The following PCNX2 variants were observed in gnomAD, a reference collection of about 807,000 sequenced individuals.
The protein encoded by PCNX2 is pecanex-like protein 2.
PCNX2 carries 168 observed loss-of-function variants against 223.8 expected under a neutral mutation model. That is an observed-to-expected ratio of 0.75 (90% CI 0.66 to 0.85). The LOEUF (loss-of-function observed/expected upper bound fraction) is 0.85, where lower values mean the gene tolerates loss of function less well. Among genes scored for constraint, PCNX2 ranks in the 40% least tolerant of loss-of-function variants. PCNX2 has a pLI of 0.00. For missense variants in PCNX2, 2,507 were observed against 2,675.5 expected, an observed-to-expected ratio of 0.94 and a Z score of 1.39; for synonymous variants, 1,006 against 1,052.6, an observed-to-expected ratio of 0.96 and a Z score of 0.86.
rs1660583811 is a variant in PCNX2 at position 233,270,464 on chromosome 1, A to G, written c.154-7301T>C. ...ATGTGTACAGAATGCATCCTGACAT[A>G]CAGGAACCTGCCCCCGACAGGTTAC... On this transcript the variant is annotated intron_variant, in intron 1 of 33. Coordinates refer to ENST00000258229, the MANE Select transcript of PCNX2 (RefSeq NM_014801.4). Among the ~76,000 whole-genome samples the G allele has an allele frequency of 2.0e-5, 3 of 152,148 alleles. No homozygotes were observed. The South Asian group carries it at 6.2e-4, about 32-fold the overall frequency.
chr1:233,127,996 T>C (rs1676200640), intron 21 of PCNX2, among the ~76,000 whole-genome samples: 1 of 152,248 alleles, frequency 6.6e-6, no homozygotes, highest in African/African-American at 2.4e-5. Context: ...AGACTTTCTA[T>C]CTGTACTCAC....
intron 21 of PCNX2, among the ~76,000 whole-genome samples, chr1:233,134,072 TA>T (rs1676665817): frequency 6.6e-6 from 1 of 152,078 alleles, no homozygotes; most frequent in South Asian, 2.1e-4. Flanking sequence ...TTTAAAAATT[TA>T]AAATTTAGAA....
chr1:233,321,013 CTTTTTTTTTTTTT>C, the PCNX2 span, among the ~76,000 whole-genome samples: 5 of 70,358 alleles, frequency 7.1e-5, no homozygotes, highest in Admixed American at 8.5e-4. Flanking sequence ...AAAATGTCTT[CTTTTTTTTTTTTT>C]TTTTTTTTTT....
chr1:233,287,671 C>T (rs1365252677), intron 1 of PCNX2, among the ~76,000 whole-genome samples: 8 of 152,150 alleles, frequency 5.3e-5, no homozygotes. Context: ...TATTTCTTCA[C>T]AGCAGTATGA....
intron 17 of PCNX2, among the ~76,000 whole-genome samples, chr1:233,171,018 G>T (rs528135513): frequency 6.6e-6 from 1 of 152,260 alleles, no homozygotes; most frequent in African/African-American, 2.4e-5. Context: ...AAGCATTTCA[G>T]GTTTTGGATT....
At chr1:233,138,543 T>C (rs1332317341) in intron 20 of PCNX2, among the ~76,000 whole-genome samples, 1 of 152,198 alleles carries the variant, frequency 6.6e-6, no homozygotes, top group East Asian at 1.9e-4. Context: ...ACCAGGACTG[T>C]ACCATACTGG....
chr1:233,182,962 C>T (rs1558318366), intron 15 of PCNX2, among the ~76,000 whole-genome samples: 1 of 152,096 alleles, frequency 6.6e-6, no homozygotes, highest in Non-Finnish European at 1.5e-5. Context: ...GAGCACCTGC[C>T]CACAGGAGTT....
chr1:233,087,382 T>C lies in PCNX2; in HGVS notation c.4076+2679A>G, dbSNP rs148100168. ...CTCACTAAAGCTCCAGACGAGAATG[T>C]CTTTTCAGGCGGCCCTTTTAAAGTG... On this transcript the variant is annotated intron_variant, in intron 23 of 33. Transcript: ENST00000258229. 5.6e-3 allele frequency among the ~76,000 whole-genome samples: 855 copies of C among 152,166 alleles called. 4 individuals are homozygous for C. The highest frequency in any genetic ancestry group is 0.02 in the South Asian group (96 of 4,818).
chr1:233,314,897 A>T, the PCNX2 span, among the ~76,000 whole-genome samples: 1 of 152,242 alleles, frequency 6.6e-6, no homozygotes, highest in Non-Finnish European at 1.5e-5. Flanking sequence ...GATTAGGAAG[A>T]CTTCAAATGA....
chr1:233,048,549 C>T (rs986916942), intron 25 of PCNX2, among the ~76,000 whole-genome samples: 8 of 152,160 alleles, frequency 5.3e-5, no homozygotes, highest in Admixed American at 1.3e-4. Context: ...TAAATGCCTA[C>T]CTCTAAAAGT....
At chr1:233,320,834 TC>T in the PCNX2 span, among the ~76,000 whole-genome samples, 1 of 152,100 alleles carries the variant, frequency 6.6e-6, no homozygotes, top group Non-Finnish European at 1.5e-5. Flanking sequence ...TCACTACCAA[TC>T]TTATCAGGAA....
chr1:233,064,173 C>T (rs1357370699), intron 23 of PCNX2, among the ~76,000 whole-genome samples: 1 of 152,096 alleles, frequency 6.6e-6, no homozygotes, highest in Non-Finnish European at 1.5e-5. Context: ...TTGAGAGCTC[C>T]TTTCCAGTCA....
chr1:233,052,274 T>C (rs1572049613), intron 25 of PCNX2, among the ~76,000 whole-genome samples: 2 of 152,356 alleles, frequency 1.3e-5, no homozygotes, highest in Admixed American at 1.3e-4. Context: ...CCGAGATAAC[T>C]GATCATCTTT....
chr1:233,168,340 A>G (rs950496602), intron 17 of PCNX2, among the ~76,000 whole-genome samples: 2 of 152,170 alleles, frequency 1.3e-5, no homozygotes, highest in East Asian at 3.9e-4. Flanking sequence ...TTGATGTTAA[A>G]CCAGGCTCTA....
chr1:233,214,692 T>C (rs1178999838), intron 12 of PCNX2, among the ~76,000 whole-genome samples: 1 of 152,216 alleles, frequency 6.6e-6, no homozygotes, highest in Non-Finnish European at 1.5e-5. Context: ...TCCCCATTAA[T>C]ATATTGCCAT....
chr1:233,205,523 G>A (rs1422955846), intron 13 of PCNX2, among the ~76,000 whole-genome samples: 2 of 152,072 alleles, frequency 1.3e-5, no homozygotes, highest in South Asian at 2.1e-4. Context: ...GTGAAACCCC[G>A]TATCTACTAA....
Position 233,262,064 on chromosome 1 carries a change from T to A in PCNX2, c.461A>T (p.His154Leu), listed in dbSNP as rs749407884. 1.2e-6 allele frequency: 2 copies of A among 1,613,282 alleles called. No individual in the cohort carries two copies. Among genetic ancestry groups the A allele is most frequent in the South Asian group, 2.2e-5 (2 of 91,058 alleles). ...CSSRGQSITS[H>L]HSSGPLELSA... ...ACTAACCAATGGCCCAGAAGAGTGA[T>A]GAGAGGTTATGCTTTGCCCTCTGGA... is the stretch of plus-strand genomic sequence containing the variant. The change falls in exon 3 of 34, where the codon CAT (histidine) becomes CTT (leucine). Residue 154 changes from histidine (H) to leucine (L), a missense_variant. His to Leu is a moderately conservative substitution (Grantham distance 99). Coordinates refer to ENST00000258229, the MANE Select transcript of PCNX2 (RefSeq NM_014801.4).
intron 13 of PCNX2, among the ~76,000 whole-genome samples, chr1:233,203,556 GA>G (rs1192139762): frequency 6.6e-6 from 1 of 152,168 alleles, no homozygotes; most frequent in Non-Finnish European, 1.5e-5. Flanking sequence ...TTATTCATCT[GA>G]ATTTCTCCTC....
the PCNX2 span, among the ~76,000 whole-genome samples, chr1:233,322,351 C>T: frequency 6.6e-6 from 1 of 152,058 alleles, no homozygotes; most frequent in Admixed American, 6.6e-5. Flanking sequence ...GGCACGACAC[C>T]AATGCTTTTC....
Sources: gnomAD v4.1 joint callset for allele counts (sites outside exome capture counted in the v4.1 genomes callset) on GRCh38, gnomAD v4.1.1 for gene constraint, MANE v1.5 for transcripts, NCBI Gene and HGNC (gene_info 2026-07-23, HGNC 2026-07-21) for gene names.